Variants in GMDS observed in about 807,000 individuals in gnomAD.
GMDS encodes GDP-mannose 4,6-dehydratase.
Under a neutral mutation model 49.9 loss-of-function variants are expected in GMDS, and 20 were observed. The ratio of observed to expected loss-of-function variants is 0.40; its 90% CI spans 0.28 to 0.58. The LOEUF (loss-of-function observed/expected upper bound fraction) is 0.58, where lower values mean the gene tolerates loss of function less well. Among genes scored for constraint, GMDS ranks in the 20% least tolerant of loss-of-function variants. GMDS has a pLI of 0.42. For synonymous variants in GMDS, 177 were observed against 178.6 expected (o/e 0.99, Z 0.07); for missense variants, 362 against 481.4 (o/e 0.75, Z 2.32).
chr6:1,861,569 G>T (rs1456170916), intron 7 of GMDS, among the ~76,000 whole-genome samples: 1 of 151,300 alleles, frequency 6.6e-6, no homozygotes, highest in Non-Finnish European at 1.5e-5. Context: ...TAATTTCGGG[G>T]CATGAAGCAG....
At chr6:2,201,618 A>G (rs1313631566) in intron 1 of GMDS, among the ~76,000 whole-genome samples, 7 of 109,830 alleles carry the variant, frequency 6.4e-5, no homozygotes, top group African/African-American at 1.0e-4. Context: ...CACCACATGG[A>G]CATCCGAGAT....
chr6:2,212,544 TTC>T (rs1780111729), intron 1 of GMDS, among the ~76,000 whole-genome samples: 1 of 152,138 alleles, frequency 6.6e-6, no homozygotes, highest in Non-Finnish European at 1.5e-5. Flanking sequence ...ACAATACATA[TTC>T]TCTAACTGCA....
chr6:1,981,664 CATT>C (rs373426076), intron 4 of GMDS, among the ~76,000 whole-genome samples: 4 of 152,242 alleles, frequency 2.6e-5, no homozygotes, highest in African/African-American at 9.6e-5. Context: ...CTTCCTAACT[CATT>C]CTATGAAACC....
chr6:2,050,714 C>A (rs1225177686), intron 4 of GMDS, among the ~76,000 whole-genome samples: 1 of 152,156 alleles, frequency 6.6e-6, no homozygotes, highest in African/African-American at 2.4e-5. Context: ...GGATGCAAGG[C>A]TGGTTCAACA....
intron 4 of GMDS, among the ~76,000 whole-genome samples, chr6:2,076,505 A>C (rs1314106754): frequency 2.0e-5 from 3 of 152,230 alleles, no homozygotes; most frequent in Non-Finnish European, 4.4e-5. Flanking sequence ...ACCTGACTTC[A>C]AACTGTACTA....
At chr6:2,011,344 G>A (rs1767545843) in intron 4 of GMDS, among the ~76,000 whole-genome samples, 1 of 152,146 alleles carries the variant, frequency 6.6e-6, no homozygotes, top group Non-Finnish European at 1.5e-5. Context: ...ATACGCTGTT[G>A]GTGGGAATGT....
chr6:2,029,157 C>T (rs1201365979), intron 4 of GMDS, among the ~76,000 whole-genome samples: 2 of 152,090 alleles, frequency 1.3e-5, no homozygotes, highest in Non-Finnish European at 2.9e-5. Flanking sequence ...AAAATCCCAG[C>T]AAATATTAAT....
chr6:2,240,601 C>CAAAAAAAA (rs57052982), intron 1 of GMDS, among the ~76,000 whole-genome samples: 1 of 84,066 alleles, frequency 1.2e-5, no homozygotes, highest in African/African-American at 3.7e-5. Context: ...AAGACTGTCT[C>CAAAAAAAA]AAAAAAAAAA....
chr6:1,940,892 G>T (rs1271392163), intron 6 of GMDS, among the ~76,000 whole-genome samples: 1 of 152,136 alleles, frequency 6.6e-6, no homozygotes. Flanking sequence ...TGCTGGTTGT[G>T]CTGTGCTTTG....
intron 9 of GMDS, among the ~76,000 whole-genome samples, chr6:1,655,395 A>G (rs569334297): frequency 2.4e-4 from 36 of 152,168 alleles, no homozygotes; most frequent in Middle Eastern, 3.4e-3. Flanking sequence ...ACTGACATGT[A>G]TATATTCTTT....
At chr6:2,200,693 T>C (rs1291272508) in intron 1 of GMDS, among the ~76,000 whole-genome samples, 9 of 146,714 alleles carry the variant, frequency 6.1e-5, no homozygotes, top group African/African-American at 2.3e-4. Flanking sequence ...GAGGGCAGCA[T>C]GTTAGCAGAG....
intron 4 of GMDS, among the ~76,000 whole-genome samples, chr6:1,991,997 C>T (rs9378666): frequency 2.0e-5 from 3 of 152,084 alleles, no homozygotes; most frequent in African/African-American, 7.2e-5. Flanking sequence ...GAGGAAGAGG[C>T]ATGGAAGGAG....
In GMDS at chr6:1,640,097, C is replaced by T. The variant is rs546717989; in HGVS notation, c.988-15557G>A. On this transcript the variant is annotated intron_variant, in intron 9 of 10. Coordinates refer to ENST00000380815, the MANE Select transcript of GMDS (RefSeq NM_001500.4). This position sits in a 1 kb window ranked among gnomAD's most constrained non-coding sequence, Gnocchi z 4.0. ...CCTGCCACTGCACAGTCAGTGACGG[C>T]TCTACTGGGGCCCAGGGGATGCAGT... Among the ~76,000 whole-genome samples, 1 of 152,286 alleles carries T rather than the reference C, an allele frequency of 6.6e-6. No individual in the cohort carries two copies. Among genetic ancestry groups the T allele is most frequent in the South Asian group, 2.1e-4 (1 of 4,828 alleles).
intron 7 of GMDS, among the ~76,000 whole-genome samples, chr6:1,772,815 T>A (rs1483352083): frequency 6.6e-6 from 1 of 152,226 alleles, no homozygotes; most frequent in Non-Finnish European, 1.5e-5. Flanking sequence ...TGGTGGCTTG[T>A]CAGCAACAAC....
chr6:2,131,769 T>C (rs1370835279), intron 1 of GMDS, among the ~76,000 whole-genome samples: 1 of 151,686 alleles, frequency 6.6e-6, no homozygotes, highest in Admixed American at 6.6e-5. Flanking sequence ...AATACAAGCA[T>C]GCCCAAGGCA....
intron 9 of GMDS, among the ~76,000 whole-genome samples, chr6:1,645,110 A>AT (rs1464839908): frequency 6.6e-6 from 1 of 151,678 alleles, no homozygotes; most frequent in Non-Finnish European, 1.5e-5. Context: ...TAATTTTTGT[A>AT]TTTTTAGTAG....
intron 4 of GMDS, among the ~76,000 whole-genome samples, chr6:2,068,983 A>G (rs1299197362): frequency 6.6e-6 from 1 of 152,224 alleles, no homozygotes; most frequent in Admixed American, 6.5e-5. Context: ...AAAAGAACAA[A>G]GCTGGAGGCA....
At chr6:1,742,684 A>C in intron 7 of GMDS, 98 bp from the exon 8 acceptor site, 1 of 671,176 alleles carries the variant, frequency 1.5e-6, no homozygotes, top group Non-Finnish European at 2.7e-6. Flanking sequence ...CGACAGCTGG[A>C]ACATGAGCAT....
intron 9 of GMDS, chr6:1,624,887 G>T (rs978781658): frequency 4.0e-5 from 8 of 199,098 alleles, no homozygotes; most frequent in African/African-American, 2.1e-4. Context: ...GCTCCTATGA[G>T]AACTGTTTGG....
Sources: gnomAD v4.1 joint callset for allele counts (sites outside exome capture counted in the v4.1 genomes callset) on GRCh38, gnomAD v4.1.1 for gene constraint, Gnocchi (gnomAD v3.1) non-coding constraint, MANE v1.5 for transcripts, NCBI Gene and HGNC (gene_info 2026-07-23, HGNC 2026-07-21) for gene names.